ZNF536: variants seen among roughly 807,000 people sequenced by gnomAD.
The protein encoded by ZNF536 is zinc finger protein 536.
A neutral mutation model predicts 84.5 loss-of-function variants in ZNF536; 13 were observed. That is an observed-to-expected ratio of 0.15 (90% CI 0.10 to 0.24). ZNF536 has a LOEUF of 0.24. Among genes scored for constraint, ZNF536 ranks in the 10% least tolerant of loss-of-function variants. ZNF536 has a pLI of 1.00. For missense variants in ZNF536, 1,536 were observed against 1,747.5 expected (o/e 0.88, Z 2.16); for synonymous variants, 811 against 742.5 (o/e 1.09, Z -1.50).
At chr19:30,682,848 C>G (rs1275394786) in intron 1 of ZNF536, among the ~76,000 whole-genome samples, 1 of 152,228 alleles carries the variant, frequency 6.6e-6, no homozygotes, top group Non-Finnish European at 1.5e-5. Flanking sequence ...CCAGCACCCT[C>G]CTGAATGCCA....
At chr19:30,494,802 C>T (rs1015897258) in intron 2 of ZNF536, among the ~76,000 whole-genome samples, 1 of 151,770 alleles carries the variant, frequency 6.6e-6, no homozygotes, top group Non-Finnish European at 1.5e-5. Context: ...AAAAATCAGC[C>T]GGGGGTGGTG....
At chr19:30,616,544 A>G (rs1446574298) in intron 1 of ZNF536, among the ~76,000 whole-genome samples, 1 of 152,192 alleles carries the variant, frequency 6.6e-6, no homozygotes, top group Non-Finnish European at 1.5e-5. Context: ...TTAATGTACT[A>G]CTGCTGCAAT....
chr19:30,633,165 G>T (rs543550358), intron 1 of ZNF536, among the ~76,000 whole-genome samples: 66 of 152,342 alleles, frequency 4.3e-4, no homozygotes, highest in African/African-American at 1.6e-3. Flanking sequence ...AGCTAAGGTT[G>T]TTCACAGGTA....
intron 1 of ZNF536, among the ~76,000 whole-genome samples, chr19:30,649,317 A>T (rs1279093670): frequency 1.3e-5 from 2 of 152,216 alleles, no homozygotes; most frequent in Non-Finnish European, 2.9e-5. Flanking sequence ...CAGCGTTTGG[A>T]TTATATGATA....
chr19:30,566,066 G>T (rs1373583979), intron 1 of ZNF536, among the ~76,000 whole-genome samples: 3 of 152,192 alleles, frequency 2.0e-5, no homozygotes, highest in Non-Finnish European at 4.4e-5. Context: ...AAATCAAGCA[G>T]TCGTGGAATA....
At chr19:30,643,655 T>G (rs2049346838) in intron 1 of ZNF536, among the ~76,000 whole-genome samples, 1 of 151,638 alleles carries the variant, frequency 6.6e-6, no homozygotes, top group African/African-American at 2.4e-5. Context: ...AAGCAATTTC[T>G]GCAGGGGGGG....
intron 1 of ZNF536, among the ~76,000 whole-genome samples, chr19:30,681,184 G>A (rs1287384211): frequency 6.6e-6 from 1 of 152,188 alleles, no homozygotes; most frequent in Non-Finnish European, 1.5e-5. Flanking sequence ...TGGAAAGTCT[G>A]TTTTAAGGAA....
intron 1 of ZNF536, among the ~76,000 whole-genome samples, chr19:30,261,297 C>CAAAAAAAAA (rs66862950): frequency 3.0e-4 from 7 of 23,580 alleles, no homozygotes; most frequent in East Asian, 1.3e-3. Context: ...GACTCCGTCT[C>CAAAAAAAAA]AAAAAAAAAA....
chr19:30,326,000 A>G (rs1192626451), intron 2 of ZNF536, among the ~76,000 whole-genome samples: 1 of 152,212 alleles, frequency 6.6e-6, no homozygotes, highest in African/African-American at 2.4e-5. Context: ...ACAAACAGAA[A>G]TTGAACTTGG....
chr19:30,307,317 T>C (rs1371278122), intron 2 of ZNF536, among the ~76,000 whole-genome samples: 1 of 150,998 alleles, frequency 6.6e-6, no homozygotes, highest in African/African-American at 2.4e-5. Flanking sequence ...CACTGCTAAA[T>C]GAGGCGTGGC....
intron 2 of ZNF536, among the ~76,000 whole-genome samples, chr19:30,495,091 T>C (rs1265479570): frequency 6.6e-6 from 1 of 152,220 alleles, no homozygotes; most frequent in African/African-American, 2.4e-5. Flanking sequence ...ACCCAGGTCT[T>C]GGCTTCACTA....
chr19:30,410,129 T>C (rs968686791), intron 1 of ZNF536, among the ~76,000 whole-genome samples: 2 of 152,224 alleles, frequency 1.3e-5, no homozygotes, highest in African/African-American at 4.8e-5. Flanking sequence ...AATCTTTTAA[T>C]GTATTCCTTT....
chr19:30,309,105 T>C (rs908562977), intron 2 of ZNF536, among the ~76,000 whole-genome samples: 2 of 151,874 alleles, frequency 1.3e-5, no homozygotes, highest in Non-Finnish European at 2.9e-5. Flanking sequence ...AAAGAAGACA[T>C]GTAAGGGGAA....
intron 2 of ZNF536, among the ~76,000 whole-genome samples, chr19:30,337,200 A>G (rs1024686880): frequency 3.9e-5 from 6 of 152,156 alleles, no homozygotes; most frequent in African/African-American, 1.4e-4. Context: ...TGAGGCTCTC[A>G]GGGCTAGGAA....
intron 2 of ZNF536, 96 bp from the exon 3 acceptor site, chr19:30,534,751 T>C (rs1599722168): frequency 2.3e-6 from 3 of 1,311,798 alleles, no homozygotes; most frequent in East Asian, 2.4e-5. Context: ...AGGTGTAGTA[T>C]TGACATGTTT....
rs185916541 is a variant in ZNF536 at position 30,617,429 on chromosome 19, C to A, written c.169+67915C>A. On this transcript the variant is annotated intron_variant, in intron 1 of 1. Transcript: ENST00000592773. ...GCAGTGGTGCAATCTCGGCTCACTG[C>A]AAGCTCCACCTGCCGGGTTCACACC... Among the ~76,000 whole-genome samples the A allele has an allele frequency of 5.9e-3, 836 of 141,508 alleles. 6 individuals carry two copies. Among genetic ancestry groups the A allele is most frequent in the African/African-American group, 0.02 (801 of 39,130 alleles). 92.8% of individuals were successfully genotyped at this position (141,508 alleles called of 152,430 possible).
At chr19:30,645,531 A>C (rs1488817207) in intron 1 of ZNF536, among the ~76,000 whole-genome samples, 1 of 152,248 alleles carries the variant, frequency 6.6e-6, no homozygotes, top group Non-Finnish European at 1.5e-5. Context: ...GAGGACATGT[A>C]TCCTTCATTT....
intron 2 of ZNF536, among the ~76,000 whole-genome samples, chr19:30,318,640 T>C (rs1407511385): frequency 2.6e-5 from 4 of 152,264 alleles, no homozygotes; most frequent in Non-Finnish European, 5.9e-5. Flanking sequence ...ATTAGGTGTG[T>C]GTGTGTGCGC....
chr19:30,541,861 A>G (rs2045343767), intron 3 of ZNF536, among the ~76,000 whole-genome samples: 1 of 152,242 alleles, frequency 6.6e-6, no homozygotes, highest in Admixed American at 6.5e-5. Flanking sequence ...ACTGTTTAGC[A>G]ATAAGCAGCT....
Sources: gnomAD v4.1 joint callset for allele counts (sites outside exome capture counted in the v4.1 genomes callset) on GRCh38, gnomAD v4.1.1 for gene constraint, MANE v1.5 for transcripts, NCBI Gene and HGNC (gene_info 2026-07-23, HGNC 2026-07-21) for gene names.